Variants in SCAF11 observed in about 807,000 individuals in gnomAD.
SCAF11 encodes the protein SR-related CTD associated factor 11, also known as protein SCAF11.
SCAF11 carries 47 observed loss-of-function variants against 140.5 expected under a neutral mutation model. The ratio of observed to expected loss-of-function variants is 0.33; its 90% CI spans 0.26 to 0.43. SCAF11 has a LOEUF of 0.43. Ranked by LOEUF, SCAF11 falls within the 20% of genes least tolerant of loss-of-function variation. The pLI, the probability that SCAF11 is intolerant of heterozygous loss-of-function variation, is 1.00. For synonymous variants in SCAF11, 557 were observed against 579.4 expected (o/e 0.96, Z 0.55); for missense variants, 1,645 against 1,705.1 (o/e 0.96, Z 0.62).
chr12:45,972,897 T>TATAGATATATATATAG (rs1203114002), intron 1 of SCAF11, among the ~76,000 whole-genome samples: 1 of 64,850 alleles, frequency 1.5e-5, no homozygotes, highest in African/African-American at 5.9e-5. Context: ...TATATAGATA[T>TATAGATATATATATAG]ATATATATAT....
At chr12:45,929,075 G>A in intron 10 of SCAF11, 1 of 322,516 alleles carries the variant, frequency 3.1e-6, no homozygotes, top group Non-Finnish European at 5.5e-6. Flanking sequence ...ACTAGATTTG[G>A]TCCAAATGGG....
intron 3 of SCAF11, among the ~76,000 whole-genome samples, chr12:45,957,140 T>C (rs1375765831): frequency 6.6e-6 from 1 of 152,210 alleles, no homozygotes; most frequent in Non-Finnish European, 1.5e-5. Context: ...CTAATGTTAG[T>C]GGTACTACAC....
At chr12:45,972,915 T>TATCGAG (rs1946124977) in intron 1 of SCAF11, among the ~76,000 whole-genome samples, 1 of 27,350 alleles carries the variant, frequency 3.7e-5, no homozygotes, top group Non-Finnish European at 1.1e-4. Context: ...TATAGATATA[T>TATCGAG]ATATAGATAT....
chr12:45,927,234 T>G lies in SCAF11; in HGVS notation c.2467A>C (p.Thr823Pro). The G allele has an allele frequency of 1.2e-6, 2 of 1,614,198 alleles. No individual in the cohort carries two copies. Among genetic ancestry groups the G allele is most frequent in the Non-Finnish European group, 1.7e-6 (2 of 1,180,036 alleles). ...RPQSPSPRRE[T>P]GKESRKSQSP... Reference sequence around the variant, plus strand: ...TGAGACTTCCTGCTTTCTTTCCCAGTTTCTCTTCTGGGAGATGGAGACTGG... The same window carrying G: ...TGAGACTTCCTGCTTTCTTTCCCAGGTTCTCTTCTGGGAGATGGAGACTGG... Residue 823 changes from threonine to proline, a missense_variant, in exon 11 of 15, where the codon ACT (threonine) becomes CCT (proline). By Grantham distance (38) the Thr-to-Pro change is conservative. Coordinates refer to ENST00000369367, the MANE Select transcript of SCAF11 (RefSeq NM_004719.3).
At chr12:45,961,199 C>T in intron 3 of SCAF11, 1 of 615,708 alleles carries the variant, frequency 1.6e-6, no homozygotes, top group South Asian at 2.1e-5. Flanking sequence ...AGATCTTGAC[C>T]AAGTCATAGA....
intron 14 of SCAF11, 132 bp from the exon 15 acceptor site, chr12:45,922,326 C>G: frequency 6.8e-7 from 1 of 1,471,186 alleles, no homozygotes; most frequent in Non-Finnish European, 9.2e-7. Flanking sequence ...CTCACACAAA[C>G]TAATCAAAAG....
intron 1 of SCAF11, among the ~76,000 whole-genome samples, chr12:45,984,855 T>C (rs1946426693): frequency 6.6e-6 from 1 of 152,174 alleles, no homozygotes; most frequent in South Asian, 2.1e-4. Flanking sequence ...CCACTACACC[T>C]GGCTAAATTT....
In SCAF11 at chr12:45,926,378, T is replaced by C. The variant is rs374996692; in HGVS notation, c.3323A>G (p.Asn1108Ser). 6.2e-7 allele frequency: 1 copy of C among 1,614,118 alleles called. No individual in the cohort carries two copies. Among genetic ancestry groups the C allele is most frequent in the Non-Finnish European group, 8.5e-7 (1 of 1,180,050 alleles). The part of the protein sequence containing the change: ...QNRKPLSGNS[N>S]SSGSESFKFV... Reference sequence around the variant, plus strand: ...CTTGAAAGATTCACTCCCTGAACTGTTTGAATTCCCTGAGAGGGGTTTTCG... The same window carrying C: ...CTTGAAAGATTCACTCCCTGAACTGCTTGAATTCCCTGAGAGGGGTTTTCG... The change falls in exon 11 of 15, where the codon AAC becomes AGC. Residue 1108 changes from asparagine to serine, a missense_variant. Asn to Ser is a conservative substitution (Grantham distance 46). Coordinates refer to ENST00000369367, the MANE Select transcript of SCAF11 (RefSeq NM_004719.3).
In SCAF11 at chr12:45,923,100, C is replaced by T. The variant is rs145837982; in HGVS notation, c.3961G>A (p.Ala1321Thr). ...GTATTTCCTGGGGCTGCTGTCGGAGCAGGCAAAACTGGTGTACTCATGTTA... is the reference window on the plus strand; with the variant it reads ...GTATTTCCTGGGGCTGCTGTCGGAGTAGGCAAAACTGGTGTACTCATGTTA... ...SNNMSTPVLP[A>T]PTAAPGNTGM... is the part of the protein sequence containing the mutation. Residue 1321 changes from alanine to threonine, a missense_variant, in exon 13 of 15, where the codon GCT becomes ACT. By Grantham distance (58) the Ala-to-Thr change is moderately conservative. This residue lies in a region of SCAF11 where 1,582 missense variants were observed against 1,609.2 expected (regional missense o/e 0.98). Transcript: ENST00000369367. 1 of 1,614,102 alleles carries T rather than the reference C, an allele frequency of 6.2e-7. No homozygotes were observed.
At chr12:45,930,471 T>G (rs1197138928) in intron 10 of SCAF11, among the ~76,000 whole-genome samples, 1 of 150,284 alleles carries the variant, frequency 6.7e-6, no homozygotes, top group Non-Finnish European at 1.5e-5. Flanking sequence ...TTTTTTTTTT[T>G]GAGACAGGCT....
At chr12:45,970,032 A>G (rs542346896) in intron 1 of SCAF11, among the ~76,000 whole-genome samples, 31 of 152,242 alleles carry the variant, frequency 2.0e-4, no homozygotes, top group Non-Finnish European at 4.1e-4. Flanking sequence ...AGTAGCTGGG[A>G]TTACAGGTGC....
intron 1 of SCAF11, among the ~76,000 whole-genome samples, chr12:45,971,813 TAAGAA>T (rs1000499856): frequency 5.3e-5 from 8 of 151,880 alleles, no homozygotes; most frequent in African/African-American, 1.7e-4. Flanking sequence ...CTAAAACTCT[TAAGAA>T]AAGAGAGAGA....
intron 1 of SCAF11, chr12:45,974,118 T>C (rs960098337): frequency 2.2e-6 from 1 of 460,998 alleles, no homozygotes. Flanking sequence ...TATATGTTTA[T>C]ATTATACTGT....
intron 1 of SCAF11, among the ~76,000 whole-genome samples, chr12:45,973,001 GATATATAT>G (rs371257166): frequency 3.4e-5 from 3 of 87,382 alleles, no homozygotes; most frequent in Admixed American, 1.2e-4. Flanking sequence ...TAGATATATA[GATATATAT>G]ATAGATATAT....
At chr12:45,933,807 T>A (rs1275239418) in intron 8 of SCAF11, among the ~76,000 whole-genome samples, 1 of 152,152 alleles carries the variant, frequency 6.6e-6, no homozygotes, top group Non-Finnish European at 1.5e-5. Flanking sequence ...AGTATCTACA[T>A]GCCAGTCACT....
chr12:45,949,563 A>C (rs1354545158), intron 4 of SCAF11, among the ~76,000 whole-genome samples: 2 of 152,166 alleles, frequency 1.3e-5, no homozygotes, highest in African/African-American at 4.8e-5. Flanking sequence ...GTCTACAAAG[A>C]GGGAACAATG....
intron 1 of SCAF11, among the ~76,000 whole-genome samples, chr12:45,965,706 T>C (rs1945929320): frequency 6.6e-6 from 1 of 152,220 alleles, no homozygotes; most frequent in Non-Finnish European, 1.5e-5. Flanking sequence ...GCACAAGAAA[T>C]CCTTGATTTT....
intron 4 of SCAF11, among the ~76,000 whole-genome samples, chr12:45,949,453 CA>C (rs998648303): frequency 6.6e-5 from 10 of 152,110 alleles, no homozygotes; most frequent in South Asian, 2.1e-4. Flanking sequence ...CAATTTATTT[CA>C]TTTTTTTATT....
rs1423822085 is a variant in SCAF11, at chr12:45,920,468, T to C, written c.*1580A>G. 3 of 152,502 alleles carry C rather than the reference T, an allele frequency of 2.0e-5. No individual in the cohort carries two copies. Among genetic ancestry groups the C allele is most frequent in the Non-Finnish European group, 2.9e-5 (2 of 68,032 alleles). The allele number at this position is 152,502 out of a possible 1,614,324, so 9.4% of individuals were successfully genotyped here. The stretch of plus-strand genomic sequence containing the variant: ...TGAAGAACTTTCCAGGTACTTGGTA[T>C]GTACTGAAAATTCTTACTGGAATCA... On this transcript the variant is annotated 3_prime_UTR_variant, in exon 15 of 15. Coordinates refer to ENST00000369367, the MANE Select transcript of SCAF11 (RefSeq NM_004719.3).
Sources: gnomAD v4.1 joint callset for allele counts (sites outside exome capture counted in the v4.1 genomes callset) on GRCh38, gnomAD v4.1.1 for gene constraint, gnomAD v4.1.1 regional missense constraint, MANE v1.5 for transcripts, NCBI Gene and HGNC (gene_info 2026-07-23, HGNC 2026-07-21) for gene names.